The following CSMD2 variants were observed in gnomAD, a reference collection of about 807,000 sequenced individuals.
CSMD2 encodes CUB and Sushi multiple domains 2, also known as CUB and sushi domain-containing protein 2.
In CSMD2, 130 loss-of-function variants were observed where a neutral mutation model predicts 398.5. That is an observed-to-expected ratio of 0.33 (90% CI 0.28 to 0.38). The LOEUF (loss-of-function observed/expected upper bound fraction) is 0.38, where lower values mean the gene tolerates loss of function less well. Among genes scored for constraint, CSMD2 ranks in the 10% least tolerant of loss-of-function variants. CSMD2 has a pLI of 1.00. For synonymous variants in CSMD2, 1,828 were observed against 1,908.5 expected, an observed-to-expected ratio of 0.96 and a Z score of 1.10; for missense variants, 3,829 against 4,764.9, an observed-to-expected ratio of 0.80 and a Z score of 5.78.
At chr1:34,145,909 C>T (rs1487131766) in intron 1 of CSMD2, among the ~76,000 whole-genome samples, 3 of 152,218 alleles carry the variant, frequency 2.0e-5, no homozygotes, top group South Asian at 4.2e-4. Context: ...TGAGGCTTCT[C>T]GAGAGGCACA....
At chr1:33,993,536 C>G (rs1275541307) in intron 3 of CSMD2, among the ~76,000 whole-genome samples, 2 of 151,460 alleles carry the variant, frequency 1.3e-5, no homozygotes, top group Non-Finnish European at 2.9e-5. Flanking sequence ...AGCAAGTCCA[C>G]ACTTCTACAC....
intron 13 of CSMD2, among the ~76,000 whole-genome samples, chr1:33,753,630 G>C (rs1176393019): frequency 6.6e-6 from 1 of 152,226 alleles, no homozygotes; most frequent in African/African-American, 2.4e-5. Context: ...CAAAATGGTA[G>C]AGTCATGGCA....
At chr1:33,613,446 A>G (rs1027938953) in intron 40 of CSMD2, among the ~76,000 whole-genome samples, 2 of 152,106 alleles carry the variant, frequency 1.3e-5, no homozygotes, top group African/African-American at 4.8e-5. Context: ...CTTTGCTCCC[A>G]GTTTCCTTCA....
chr1:34,141,749 T>C (rs377709723), intron 1 of CSMD2, among the ~76,000 whole-genome samples: 1 of 152,116 alleles, frequency 6.6e-6, no homozygotes, highest in East Asian at 1.9e-4. Context: ...TGCCTAACCA[T>C]GTTCAAAGCT....
intron 55 of CSMD2, among the ~76,000 whole-genome samples, chr1:33,555,618 C>T (rs1398928161): frequency 6.6e-6 from 1 of 152,190 alleles, no homozygotes; most frequent in African/African-American, 2.4e-5. Context: ...GAAATTGCCA[C>T]AGCCACACCA....
chr1:33,672,574 C>A lies in CSMD2; in HGVS notation c.4053-9482G>T, dbSNP rs999358490. The stretch of plus-strand genomic sequence containing the variant: ...AATCAAAAGGCGGCAGTAACCTCTG[C>A]AGACTTAAATGTCCCTGTCTGACAG... On this transcript the variant is annotated intron_variant, in intron 25 of 70. Coordinates refer to ENST00000373381, the MANE Select transcript of CSMD2 (RefSeq NM_001281956.2). Among the ~76,000 whole-genome samples, 81 of 152,228 alleles carry A rather than the reference C, an allele frequency of 5.3e-4. 1 individual carries two copies. Among genetic ancestry groups the A allele is most frequent in the Non-Finnish European group, 8.8e-5 (6 of 68,042 alleles).
At chr1:33,748,890 A>T (rs940297458) in intron 13 of CSMD2, among the ~76,000 whole-genome samples, 1 of 152,204 alleles carries the variant, frequency 6.6e-6, no homozygotes, top group Non-Finnish European at 1.5e-5. Flanking sequence ...AATTGACCTT[A>T]CATTAGGCTA....
In CSMD2 at chr1:33,692,962, C is replaced by T. The variant is rs750554004; in HGVS notation, c.4020G>A (p.Trp1340Ter). The T allele has an allele frequency of 6.2e-7, 1 of 1,608,124 alleles. No individual in the cohort carries two copies. Among genetic ancestry groups the T allele is most frequent in the Non-Finnish European group, 8.5e-7 (1 of 1,177,536 alleles). Residue 1340 changes from tryptophan to a stop codon, truncating the protein, a stop_gained, in exon 25 of 71, where the codon TGG becomes TGA. Transcript: ENST00000373381. LOFTEE classifies it high-confidence loss of function. ...TGCAGCCGGCCTCTGCTTCGATGGTCCAGATGCAGTTGAGATTGTGTTCAT... is the reference window on the plus strand; with the variant it reads ...TGCAGCCGGCCTCTGCTTCGATGGTTCAGATGCAGTTGAGATTGTGTTCAT... ...APYEHNLNCI[W>*]TIEAEAGCTI... is the part of the protein sequence containing the mutation.
At chr1:33,657,885 G>C in intron 27 of CSMD2, 61 bp downstream of exon 27, 11 of 1,485,498 alleles carry the variant, frequency 7.4e-6, no homozygotes, top group Non-Finnish European at 1.0e-5. Flanking sequence ...GTGCATGGAA[G>C]GTTCTGGAGC....
At chr1:33,926,311 T>A (rs1440488986) in intron 4 of CSMD2, among the ~76,000 whole-genome samples, 1 of 152,210 alleles carries the variant, frequency 6.6e-6, no homozygotes, top group South Asian at 2.1e-4. Context: ...GTGTCTCTGG[T>A]ACCAGGATGG....
rs115591931 is a variant in CSMD2 at position 33,924,745 on chromosome 1, A to C, written c.713-6444T>G. ...AATAATAGCCATTCTAACTAGGGTA[A>C]AATGATACCTCACTGTGATTTTGAC... On this transcript the variant is annotated intron_variant, in intron 4 of 70. Transcript: ENST00000373381. 3.6e-3 allele frequency among the ~76,000 whole-genome samples: 551 copies of C among 152,312 alleles called. 2 individuals are homozygous for C. Among genetic ancestry groups the C allele is most frequent in the African/African-American group, 0.013 (524 of 41,576 alleles).
At chr1:34,130,511 A>G (rs1295900138) in intron 1 of CSMD2, among the ~76,000 whole-genome samples, 1 of 152,046 alleles carries the variant, frequency 6.6e-6, no homozygotes, top group Non-Finnish European at 1.5e-5. Flanking sequence ...CTGGCAGTCA[A>G]GGCCAGATCA....
chr1:33,986,768 A>G (rs1342529567), intron 3 of CSMD2, among the ~76,000 whole-genome samples: 1 of 152,192 alleles, frequency 6.6e-6, no homozygotes, highest in East Asian at 1.9e-4. Context: ...CTGGAGCGTA[A>G]CTCAGGGCAC....
intron 36 of CSMD2, among the ~76,000 whole-genome samples, chr1:33,622,780 C>G (rs1216859268): frequency 6.6e-6 from 1 of 152,174 alleles, no homozygotes; most frequent in African/African-American, 2.4e-5. Flanking sequence ...CAGGAAGTTC[C>G]TCCAAAAGTT....
At chr1:34,063,938 A>T (rs528749215) in intron 2 of CSMD2, among the ~76,000 whole-genome samples, 1 of 152,192 alleles carries the variant, frequency 6.6e-6, no homozygotes, top group Non-Finnish European at 1.5e-5. Flanking sequence ...TCAACACCAC[A>T]TGGAAGCTGC....
chr1:33,590,304 T>G (rs1478223551), intron 44 of CSMD2, among the ~76,000 whole-genome samples: 1 of 142,200 alleles, frequency 7.0e-6, no homozygotes, highest in Non-Finnish European at 1.5e-5. Context: ...ATTTTTTTTT[T>G]TTTTTTTTTT....
chr1:33,609,118 A>T (rs1408354206), intron 41 of CSMD2, among the ~76,000 whole-genome samples: 3 of 152,186 alleles, frequency 2.0e-5, no homozygotes, highest in Non-Finnish European at 4.4e-5. Flanking sequence ...CAGCTGTGCT[A>T]ACACCAGTGA....
intron 51 of CSMD2, among the ~76,000 whole-genome samples, chr1:33,569,833 A>G (rs1226674823): frequency 1.3e-5 from 2 of 152,200 alleles, no homozygotes; most frequent in African/African-American, 4.8e-5. Context: ...AATCCTCCTC[A>G]GGTGGCTGAG....
At chr1:33,864,545 G>A in intron 5 of CSMD2, 1 of 1,614,108 alleles carries the variant, frequency 6.2e-7, no homozygotes, top group African/African-American at 1.3e-5. Context: ...ACCCGAACTG[G>A]TCGGTGGTGC....
Sources: allele counts gnomAD v4.1 joint callset (sites outside exome capture counted in the v4.1 genomes callset), GRCh38; gene constraint gnomAD v4.1.1; transcripts MANE v1.5; gene names NCBI Gene and HGNC (gene_info 2026-07-23, HGNC 2026-07-21).